Variants in SH2D6 observed in about 807,000 individuals in gnomAD.
The protein encoded by SH2D6 is SH2 domain-containing protein 6.
Under a neutral mutation model 30.2 loss-of-function variants are expected in SH2D6, and 31 were observed. The observed-to-expected ratio is 1.03, with a 90% CI of 0.77 to 1.38. The LOEUF (loss-of-function observed/expected upper bound fraction) is 1.38. Ranked by LOEUF, SH2D6 falls within the 40% of genes most tolerant of loss-of-function variation. The pLI is 0.00. For synonymous variants in SH2D6, 93 were observed against 104.6 expected, an observed-to-expected ratio of 0.89 and a Z score of 0.68; for missense variants, 240 against 266.8, an observed-to-expected ratio of 0.90 and a Z score of 0.70.
chr2:85,427,688 A>G (rs931424807), intron 6 of SH2D6, among the ~76,000 whole-genome samples: 6 of 152,218 alleles, frequency 3.9e-5, no homozygotes, highest in Non-Finnish European at 7.3e-5. Flanking sequence ...TTATGGTTCA[A>G]ATGTGGAAGA....
Position 85,435,780 on chromosome 2 carries a change from G to A in SH2D6, c.847G>A (p.Gly283Arg), listed in dbSNP as rs375696121. 40 of 1,606,070 alleles carry A rather than the reference G, an allele frequency of 2.5e-5. No homozygotes were observed. The African/African-American group carries it at 3.1e-4, about 12-fold the overall frequency. Residue 283 changes from glycine (G) to arginine (R), a missense_variant, in exon 22 of 24, where the codon GGA becomes AGA. Coordinates refer to ENST00000469800, the MANE Select transcript of SH2D6 (RefSeq NM_001394463.1). ...FNIPIRRLDG[G>R]RHYALGREGR... is the part of the protein sequence containing the mutation. ...CATTCCCATCCGGCGGCTGGATGGC[G>A]GACGCCACTATGCCCTGGGCCGGGA... is the stretch of plus-strand genomic sequence containing the variant.
At chr2:85,434,518 A>G in intron 19 of SH2D6, 21 bp downstream of exon 19, 1 of 1,550,118 alleles carries the variant, frequency 6.5e-7, no homozygotes. Context: ...GCTGGTCCAA[A>G]GGTAGTGAGT....
Position 85,425,418 on chromosome 2 carries a change from C to A in SH2D6, c.-209+11C>A, listed in dbSNP as rs1481587225. On this transcript the variant is annotated intron_variant, in intron 6 of 23. Transcript: ENST00000469800. The stretch of plus-strand genomic sequence containing the variant: ...GGGCTGGGATTACAGGTACTCGCCA[C>A]AATGCCCGGCTAATAGTTTTGTATT... 6.6e-6 allele frequency: 1 copy of A among 151,968 alleles called. No individual in the cohort carries two copies. Among genetic ancestry groups the A allele is most frequent in the Non-Finnish European group, 1.5e-5 (1 of 68,004 alleles). The allele number at this position is 151,968 out of a possible 1,614,324, so 9.4% of individuals were successfully genotyped here.
At chr2:85,428,245 G>T (rs961947710) in intron 6 of SH2D6, among the ~76,000 whole-genome samples, 4 of 151,962 alleles carry the variant, frequency 2.6e-5, no homozygotes, top group Admixed American at 2.0e-4. Context: ...TCGTAGGAAA[G>T]TAGGGTCCAG....
At chr2:85,432,287 A>G (rs1257336596) in intron 14 of SH2D6, among the ~76,000 whole-genome samples, 2 of 137,582 alleles carry the variant, frequency 1.5e-5, no homozygotes, top group African/African-American at 5.6e-5. Flanking sequence ...TCGCTCTGTT[A>G]CCCATGCTGG....
rs181395167 is a variant in SH2D6, at chr2:85,423,423, G to C, written c.-309+733G>C. On this transcript the variant is annotated intron_variant, in intron 5 of 23. Coordinates refer to ENST00000469800, the MANE Select transcript of SH2D6 (RefSeq NM_001394463.1). ...ATTTTTTGTATTTTTAGTAGAGATG[G>C]GGTTTTACCATGTTGGCCAGGCTGG... Among the ~76,000 whole-genome samples, 4 of 151,726 alleles carry C rather than the reference G, an allele frequency of 2.6e-5. No individual in the cohort carries two copies. The East Asian group carries it at 7.8e-4, about 30-fold the overall frequency.
chr2:85,420,038 C>T (rs1573201095), intron 2 of SH2D6, among the ~76,000 whole-genome samples: 1 of 152,126 alleles, frequency 6.6e-6, no homozygotes, highest in Non-Finnish European at 1.5e-5. Flanking sequence ...ACCATAGAAA[C>T]TTGGAGACAG....
In SH2D6 at chr2:85,436,702, A is replaced by C. The variant is rs867598562; in HGVS notation, c.*12+108A>C. On this transcript the variant is annotated intron_variant, in intron 23 of 23. Coordinates refer to ENST00000469800, the MANE Select transcript of SH2D6 (RefSeq NM_001394463.1). ...CACCCTAGCCTTTCCCAGTGCCCAC[A>C]AGCAGCATTAATGGGGAAAGCCTGC... 157 of 835,468 alleles carry C rather than the reference A, an allele frequency of 1.9e-4. 5 individuals are homozygous for C. The South Asian group carries it at 2.4e-3, about 13-fold the overall frequency. 51.8% of individuals were successfully genotyped at this position (835,468 alleles called of 1,614,324 possible).
Position 85,436,589 on chromosome 2 carries a change from A to G in SH2D6, c.*7A>G, listed in dbSNP as rs776904136. The stretch of plus-strand genomic sequence containing the variant: ...CTTCCCCACCAAGCCTTGAGGCCAC[A>G]GCGAAGTACACACCGCCTTTGGCCC... On this transcript the variant is annotated 3_prime_UTR_variant, in exon 23 of 24. Coordinates refer to ENST00000469800, the MANE Select transcript of SH2D6 (RefSeq NM_001394463.1). The G allele has an allele frequency of 1.2e-6, 2 of 1,612,048 alleles. No individual in the cohort carries two copies. The highest frequency in any genetic ancestry group is 2.7e-5 in the African/African-American group (2 of 74,910).
chr2:85,423,562 CT>C (rs967561057), intron 5 of SH2D6, among the ~76,000 whole-genome samples: 1 of 152,226 alleles, frequency 6.6e-6, no homozygotes, highest in African/African-American at 2.4e-5. Context: ...TTTCTACCCA[CT>C]GCCAGGGGAG....
At chr2:85,432,525 C>G (rs368542086) in intron 14 of SH2D6, among the ~76,000 whole-genome samples, 9,161 of 151,696 alleles carry the variant, frequency 0.06, 383 homozygotes, top group Non-Finnish European at 0.083. Context: ...CTCAGCCTCC[C>G]GAGTAGCTGG....
At chr2:85,432,126 A>G (rs1484915190) in intron 14 of SH2D6, among the ~76,000 whole-genome samples, 167 bp downstream of exon 14, 1 of 152,102 alleles carries the variant, frequency 6.6e-6, no homozygotes, top group Non-Finnish European at 1.5e-5. Flanking sequence ...GTAGGCAGGC[A>G]GGTGGCGTTG....
At chr2:85,420,346 C>G (rs1001179628) in intron 2 of SH2D6, among the ~76,000 whole-genome samples, 1 of 152,224 alleles carries the variant, frequency 6.6e-6, no homozygotes, top group African/African-American at 2.4e-5. Context: ...TCTCGAACTC[C>G]TGACCTCAGG....
At chr2:85,427,965 C>T (rs1390549611) in intron 6 of SH2D6, among the ~76,000 whole-genome samples, 3 of 152,074 alleles carry the variant, frequency 2.0e-5, no homozygotes, top group African/African-American at 7.2e-5. Context: ...TTTGTTTCTC[C>T]TTTGTGCCAA....
Position 85,428,572 on chromosome 2 carries a change from C to T in SH2D6, c.-208-12C>T, listed in dbSNP as rs1688261956. On this transcript the variant is annotated splice_polypyrimidine_tract_variant and intron_variant, in intron 6 of 23. Coordinates refer to ENST00000469800, the MANE Select transcript of SH2D6 (RefSeq NM_001394463.1). ...AGAAGAAGAGTTACCAGAACCGCCT[C>T]TCTCTGCACAGACAAGAGGCCATGT... 1 of 152,168 alleles carries T rather than the reference C, an allele frequency of 6.6e-6. No individual in the cohort carries two copies. Among genetic ancestry groups the T allele is most frequent in the African/African-American group, 2.4e-5 (1 of 41,428 alleles). The allele number at this position is 152,168 out of a possible 1,614,324, so 9.4% of individuals were successfully genotyped here.
At chr2:85,421,923 T>C (rs996478829) in intron 2 of SH2D6, 2 of 152,326 alleles carry the variant, frequency 1.3e-5, no homozygotes, top group African/African-American at 2.4e-5. Context: ...CTCACCTGTG[T>C]ATCCTGTGTA....
At chr2:85,426,189 C>T (rs1266103596) in intron 6 of SH2D6, among the ~76,000 whole-genome samples, 2 of 152,176 alleles carry the variant, frequency 1.3e-5, no homozygotes, top group African/African-American at 4.8e-5. Context: ...CATCTTCCTC[C>T]TTGCAATGAA....
chr2:85,435,251 C>A, intron 20 of SH2D6, 128 bp downstream of exon 20: 1 of 1,248,910 alleles, frequency 8.0e-7, no homozygotes, highest in Non-Finnish European at 1.1e-6. Context: ...ACGTGTGCGG[C>A]ACCCCGCCGT....
intron 21 of SH2D6, 45 bp downstream of exon 21, chr2:85,435,541 T>G: frequency 6.2e-7 from 1 of 1,604,172 alleles, no homozygotes; most frequent in South Asian, 1.1e-5. Flanking sequence ...CCCCTTTTGC[T>G]CACAGGCTGT....
Sources: allele counts gnomAD v4.1 joint callset (sites outside exome capture counted in the v4.1 genomes callset), GRCh38; gene constraint gnomAD v4.1.1; transcripts MANE v1.5; gene names NCBI Gene and HGNC (gene_info 2026-07-23, HGNC 2026-07-21).